SLC2A13: variants seen among roughly 807,000 people sequenced by gnomAD.
SLC2A13 encodes the protein proton myo-inositol cotransporter.
A neutral mutation model predicts 64.4 loss-of-function variants in SLC2A13; 32 were observed. The ratio of observed to expected loss-of-function variants is 0.50; its 90% CI spans 0.37 to 0.67. The LOEUF is 0.67. SLC2A13 is among the 30% of genes least tolerant of loss of function. The pLI is 0.00. For missense variants in SLC2A13, 743 were observed against 829.2 expected (o/e 0.90, Z 1.28); for synonymous variants, 338 against 327.1 (o/e 1.03, Z -0.36).
At chr12:39,943,091 A>G (rs1310648485) in intron 4 of SLC2A13, among the ~76,000 whole-genome samples, 1 of 152,164 alleles carries the variant, frequency 6.6e-6, no homozygotes, top group Non-Finnish European at 1.5e-5. Context: ...AGACTGTGGA[A>G]CAGCAAAGAC....
At chr12:40,099,412 A>C (rs180721694) in intron 1 of SLC2A13, among the ~76,000 whole-genome samples, 2 of 152,340 alleles carry the variant, frequency 1.3e-5, no homozygotes, top group East Asian at 3.9e-4. Context: ...TTTTGGGTAA[A>C]GATGGCAACG....
intron 4 of SLC2A13, among the ~76,000 whole-genome samples, chr12:39,909,862 T>G (rs796678893): frequency 6.6e-6 from 1 of 151,304 alleles, no homozygotes; most frequent in Non-Finnish European, 1.5e-5. Flanking sequence ...ACAGTTTGTT[T>G]TTTTTTTTTT....
At chr12:39,887,419 G>A (rs2135971106) in intron 4 of SLC2A13, among the ~76,000 whole-genome samples, 2 of 152,198 alleles carry the variant, frequency 1.3e-5, no homozygotes, top group Middle Eastern at 3.4e-3. Flanking sequence ...TCTCCACTGA[G>A]GGCTCTAGAA....
At chr12:39,763,232 C>G (rs1224086708) in intron 9 of SLC2A13, among the ~76,000 whole-genome samples, 2 of 151,960 alleles carry the variant, frequency 1.3e-5, no homozygotes, top group Non-Finnish European at 2.9e-5. Flanking sequence ...CAGTGCATTT[C>G]CTTTCCAAGA....
intron 1 of SLC2A13, among the ~76,000 whole-genome samples, chr12:40,064,708 T>G (rs1937657623): frequency 6.6e-6 from 1 of 152,170 alleles, no homozygotes; most frequent in South Asian, 2.1e-4. Context: ...ATTGTTACTG[T>G]TTCCATCAAG....
chr12:40,104,429 T>G (rs1345262144), intron 1 of SLC2A13, among the ~76,000 whole-genome samples: 2 of 152,228 alleles, frequency 1.3e-5, no homozygotes, highest in African/African-American at 2.4e-5. Context: ...AATGCCTTCA[T>G]TTTTGAAGTA....
chr12:40,038,976 A>G (rs1354728622), intron 2 of SLC2A13, among the ~76,000 whole-genome samples: 1 of 152,040 alleles, frequency 6.6e-6, no homozygotes, highest in Non-Finnish European at 1.5e-5. Context: ...CAATTTGCCC[A>G]TTTTTTTATT....
intron 4 of SLC2A13, among the ~76,000 whole-genome samples, chr12:39,942,494 T>C (rs1043740548): frequency 1.3e-5 from 2 of 152,232 alleles, no homozygotes; most frequent in African/African-American, 4.8e-5. Context: ...GGTTGAGTTC[T>C]TGATTTGATT....
intron 1 of SLC2A13, among the ~76,000 whole-genome samples, chr12:40,066,092 C>A (rs1368523063): frequency 6.6e-6 from 1 of 152,148 alleles, no homozygotes; most frequent in African/African-American, 2.4e-5. Flanking sequence ...AACAGAGCAT[C>A]CTAATCGAAG....
At chr12:39,838,783 A>T (rs1029499923) in intron 6 of SLC2A13, among the ~76,000 whole-genome samples, 8 of 152,118 alleles carry the variant, frequency 5.3e-5, no homozygotes, top group Non-Finnish European at 8.8e-5. Flanking sequence ...GAGTTAATTT[A>T]GAACATTTTT....
chr12:39,811,244 A>C (rs1942149081), intron 7 of SLC2A13, among the ~76,000 whole-genome samples: 1 of 151,878 alleles, frequency 6.6e-6, no homozygotes, highest in South Asian at 2.1e-4. Flanking sequence ...CTTTTTATTG[A>C]TCTCTTCAAG....
At position 40,105,350 on chromosome 12, in the gene SLC2A13, CAGG is replaced by C; in HGVS notation, c.456_458del (p.Leu153del). 1 of 1,591,952 alleles carries C rather than the reference CAGG, an allele frequency of 6.3e-7. No individual in the cohort carries two copies. Among genetic ancestry groups the C allele is most frequent in the South Asian group, 1.1e-5 (1 of 88,564 alleles). On this transcript the variant is annotated inframe_deletion, in exon 1 of 10. Transcript: ENST00000280871. The surrounding 1 kb of genome is among the most constrained non-coding windows in gnomAD (Gnocchi z 4.2). ...AGCCGGCGGTGAAGAGGGCACTGGC[CAGG>C]AGGATGGCAGCGCGGCGGCCGAAGA... is the stretch of plus-strand genomic sequence containing the variant.
chr12:39,810,758 A>G (rs1942133215), intron 7 of SLC2A13, among the ~76,000 whole-genome samples: 1 of 152,130 alleles, frequency 6.6e-6, no homozygotes, highest in South Asian at 2.1e-4. Flanking sequence ...TTCTTCTCTT[A>G]ATATAATGAA....
At chr12:39,987,308 T>C (rs1947048358) in intron 3 of SLC2A13, among the ~76,000 whole-genome samples, 2 of 152,208 alleles carry the variant, frequency 1.3e-5, no homozygotes. Flanking sequence ...GACACATGTA[T>C]AAAAATCATG....
intron 3 of SLC2A13, among the ~76,000 whole-genome samples, chr12:39,998,016 C>T (rs1947261220): frequency 1.3e-5 from 2 of 152,158 alleles, no homozygotes; most frequent in African/African-American, 4.8e-5. Context: ...AATCCCGCTA[C>T]TGGATATATA....
intron 4 of SLC2A13, among the ~76,000 whole-genome samples, chr12:39,897,288 G>A (rs998522796): frequency 1.3e-5 from 2 of 152,178 alleles, no homozygotes; most frequent in Non-Finnish European, 2.9e-5. Flanking sequence ...TGGTTATGCT[G>A]TTGCAAGCCT....
At chr12:39,809,297 G>A (rs1484412608) in intron 7 of SLC2A13, among the ~76,000 whole-genome samples, 1 of 152,064 alleles carries the variant, frequency 6.6e-6, no homozygotes, top group Non-Finnish European at 1.5e-5. Context: ...ACATCACATT[G>A]TCTGGATTAC....
chr12:39,946,939 TA>T (rs975952515), intron 4 of SLC2A13, among the ~76,000 whole-genome samples: 8 of 152,186 alleles, frequency 5.3e-5, no homozygotes, highest in African/African-American at 1.9e-4. Context: ...TGTGGACTTT[TA>T]CCCCCTGCTC....
intron 1 of SLC2A13, among the ~76,000 whole-genome samples, chr12:40,099,276 C>T (rs1939068176): frequency 6.6e-6 from 1 of 151,936 alleles, no homozygotes; most frequent in African/African-American, 2.4e-5. Context: ...AGAAGTGTTG[C>T]TACTATTTAT....
Sources: gnomAD v4.1 joint callset for allele counts (sites outside exome capture counted in the v4.1 genomes callset) on GRCh38, gnomAD v4.1.1 for gene constraint, Gnocchi (gnomAD v3.1) non-coding constraint, MANE v1.5 for transcripts, NCBI Gene and HGNC (gene_info 2026-07-23, HGNC 2026-07-21) for gene names.